BAG3: variants seen among roughly 807,000 people sequenced by gnomAD.
BAG3 encodes the protein BAG cochaperone 3, also known as BAG family molecular chaperone regulator 3.
A neutral mutation model predicts 40.5 loss-of-function variants in BAG3; 14 were observed. The observed-to-expected ratio is 0.35, with a 90% CI of 0.23 to 0.54. The LOEUF (loss-of-function observed/expected upper bound fraction) is 0.54, where lower values mean the gene tolerates loss of function less well. BAG3 is among the 20% of genes least tolerant of loss of function. The pLI is 0.91. For synonymous variants in BAG3, 302 were observed against 307.8 expected, an observed-to-expected ratio of 0.98 and a Z score of 0.20; for missense variants, 788 against 758.6, an observed-to-expected ratio of 1.04 and a Z score of -0.46.
Position 119,672,554 on chromosome 10 carries a change from T to A in BAG3, c.807T>A (p.Ser269=). 1 of 1,613,790 alleles carries A rather than the reference T, an allele frequency of 6.2e-7. No individual in the cohort carries two copies. Among genetic ancestry groups the A allele is most frequent in the South Asian group, 1.1e-5 (1 of 91,072 alleles). The change falls in exon 3 of 4, where the codon TCT becomes TCA. Residue 269 remains serine, a synonymous_variant. Coordinates refer to ENST00000369085, the MANE Select transcript of BAG3 (RefSeq NM_004281.4). The surrounding 1 kb of genome is among the most constrained non-coding windows in gnomAD (Gnocchi z 4.8). ...GGGCGGCATCCCCGTTCAGGTCATC[T>A]GTCCAGGGTGCATCGAGCCGGGAGG... ...PLRAASPFRS[S]VQGASSREGS... is the part of the protein sequence containing the mutation.
At chr10:119,665,269 T>C (rs1847049213) in intron 1 of BAG3, among the ~76,000 whole-genome samples, 1 of 151,380 alleles carries the variant, frequency 6.6e-6, no homozygotes, top group South Asian at 2.1e-4. Flanking sequence ...CCCGAGTAGC[T>C]GGGACTACAG....
chr10:119,670,275 C>T, intron 2 of BAG3, 98 bp downstream of exon 2: 1 of 1,334,460 alleles, frequency 7.5e-7, no homozygotes, highest in Non-Finnish European at 1.0e-6. Flanking sequence ...GGCCAGGCAC[C>T]TGTTCACATG....
intron 1 of BAG3, among the ~76,000 whole-genome samples, chr10:119,652,301 C>G (rs982629869): frequency 3.9e-5 from 6 of 152,144 alleles, no homozygotes; most frequent in Non-Finnish European, 5.9e-5. Flanking sequence ...ACCGCGGACT[C>G]GAGGGGGACA....
Position 119,677,553 on chromosome 10 carries a change from C to T in BAG3, c.*271C>T. The T allele has an allele frequency of 1.1e-5, 6 of 532,362 alleles. No homozygotes were observed. Among genetic ancestry groups the T allele is most frequent in the Middle Eastern group, 5.3e-4 (1 of 1,894 alleles). The allele number at this position is 532,362 out of a possible 1,614,324, so 33.0% of individuals were successfully genotyped here. On this transcript the variant is annotated 3_prime_UTR_variant, in exon 4 of 4. Transcript: ENST00000369085. The stretch of plus-strand genomic sequence containing the variant: ...CTGCAGCCCTGTCTACTTGGGCACC[C>T]CCACCACCTGTTAGCTGTGGTTGTG...
intron 1 of BAG3, among the ~76,000 whole-genome samples, chr10:119,662,300 C>T (rs988438533): frequency 6.7e-6 from 1 of 148,422 alleles, no homozygotes; most frequent in East Asian, 2.0e-4. Context: ...AACTCCTGAC[C>T]TCAAGTGATC....
chr10:119,656,384 T>C (rs1846911418), intron 1 of BAG3, among the ~76,000 whole-genome samples: 1 of 150,324 alleles, frequency 6.7e-6, no homozygotes, highest in Admixed American at 6.6e-5. Context: ...CCTTCTTTTT[T>C]TTTTTTTTTT....
chr10:119,662,966 G>T (rs1847013490), intron 1 of BAG3, among the ~76,000 whole-genome samples: 1 of 152,184 alleles, frequency 6.6e-6, no homozygotes, highest in Admixed American at 6.5e-5. Context: ...AATGAGCCGA[G>T]ATCGCGCCAC....
chr10:119,676,071 G>A (rs1847230786), intron 3 of BAG3, among the ~76,000 whole-genome samples: 1 of 150,084 alleles, frequency 6.7e-6, no homozygotes, highest in Non-Finnish European at 1.5e-5. Context: ...GACTACGAGT[G>A]CAAGCTCCCA....
At chr10:119,664,626 C>T (rs557403666) in intron 1 of BAG3, among the ~76,000 whole-genome samples, 61 of 152,176 alleles carry the variant, frequency 4.0e-4, no homozygotes, top group Middle Eastern at 6.8e-3. Context: ...AGCTGTCCCC[C>T]CAACTTTGAG....
At chr10:119,654,072 A>T (rs1846879226) in intron 1 of BAG3, among the ~76,000 whole-genome samples, 2 of 152,236 alleles carry the variant, frequency 1.3e-5, no homozygotes, top group Admixed American at 1.3e-4. Flanking sequence ...CATTCAGCCC[A>T]TGAGCTGTTT....
At chr10:119,657,390 G>T in intron 1 of BAG3, 2 of 363,392 alleles carry the variant, frequency 5.5e-6, no homozygotes, top group South Asian at 2.1e-5. Flanking sequence ...TTTGTCTTGG[G>T]GTCACACCCC....
chr10:119,651,710 T>A lies in BAG3; in HGVS notation c.35T>A (p.Val12Glu). 6.3e-7 allele frequency: 1 copy of A among 1,594,592 alleles called. No homozygotes were observed. Among genetic ancestry groups the A allele is most frequent in the Non-Finnish European group, 8.5e-7 (1 of 1,171,416 alleles). ...GCCACCCACTCGCCCATGATGCAGG[T>A]GGCGTCCGGCAACGGTGACCGCGAC... Reference protein sequence around the residue: ...SAATHSPMMQVASGNGDRDPL... With the variant: ...SAATHSPMMQEASGNGDRDPL... Residue 12 changes from valine to glutamate, a missense_variant, in exon 1 of 4, where the codon GTG (valine) becomes GAG (glutamate). Transcript: ENST00000369085.
chr10:119,655,296 G>T (rs1337845256), intron 1 of BAG3, among the ~76,000 whole-genome samples: 1 of 152,150 alleles, frequency 6.6e-6, no homozygotes, highest in Non-Finnish European at 1.5e-5. Context: ...TGCGAGAGTG[G>T]GGAGGTGGTC....
chr10:119,675,777 C>CCCT (rs1847211945), intron 3 of BAG3, among the ~76,000 whole-genome samples: 1 of 89,940 alleles, frequency 1.1e-5, no homozygotes, highest in African/African-American at 3.9e-5. Context: ...CCCTCCTTCC[C>CCCT]TCCCCCTCCC....
chr10:119,657,414 G>C (rs1351643229), intron 1 of BAG3: 3 of 400,184 alleles, frequency 7.5e-6, no homozygotes, highest in South Asian at 1.8e-5. Flanking sequence ...TAGGAGTTCT[G>C]GGGCAGAGTC....
rs886046754 is a variant in BAG3, at chr10:119,672,311, G to T, written c.564G>T (p.Leu188=). 1.9e-6 allele frequency: 3 copies of T among 1,613,930 alleles called. No individual in the cohort carries two copies. Among genetic ancestry groups the T allele is most frequent in the Non-Finnish European group, 2.5e-6 (3 of 1,180,034 alleles). Residue 188 remains leucine (L), a synonymous_variant, in exon 3 of 4, where the codon CTG becomes CTT. Coordinates refer to ENST00000369085, the MANE Select transcript of BAG3 (RefSeq NM_004281.4). The surrounding 1 kb of genome is among the most constrained non-coding windows in gnomAD (Gnocchi z 4.8). The part of the protein sequence containing the change: ...DCSSSSSSAS[L]PSSGRSSLGS... ...CATCCTCATCCTCCTCGGCCAGCCT[G>T]CCTTCCTCCGGCAGGAGCAGCCTGG... is the stretch of plus-strand genomic sequence containing the variant.
rs534691185 is a variant in BAG3 at position 119,669,741 on chromosome 10, C to T, written c.181-110C>T. 4.2e-5 allele frequency: 48 copies of T among 1,153,970 alleles called. No individual in the cohort carries two copies. The South Asian group carries it at 5.7e-4, about 14-fold the overall frequency. 71.5% of individuals were successfully genotyped at this position (1,153,970 alleles called of 1,614,324 possible). On this transcript the variant is annotated intron_variant, in intron 1 of 3. Transcript: ENST00000369085. ...CTGGGAGCTGGCTGACGCTTTGAGG[C>T]CCAAGTCACTCGGGAAGATCACAAT... is the stretch of plus-strand genomic sequence containing the variant.
chr10:119,676,628 C>G lies in BAG3; in HGVS notation c.1074C>G (p.Pro358=). The part of the protein sequence containing the change: ...SKPVSQKPPP[P]SEKVEVKVPP... ...CTGTTTCCCAGAAGCCCCCACCTCC[C>G]TCTGAGAAGGTAGAGGTGAAAGTTC... The change falls in exon 4 of 4, where the codon CCC becomes CCG. Residue 358 remains proline (P), a synonymous_variant. Coordinates refer to ENST00000369085, the MANE Select transcript of BAG3 (RefSeq NM_004281.4). 1 of 1,614,158 alleles carries G rather than the reference C, an allele frequency of 6.2e-7. No homozygotes were observed. Among genetic ancestry groups the G allele is most frequent in the Non-Finnish European group, 8.5e-7 (1 of 1,180,036 alleles).
At chr10:119,662,006 C>T (rs1478332454) in intron 1 of BAG3, among the ~76,000 whole-genome samples, 6 of 152,082 alleles carry the variant, frequency 3.9e-5, no homozygotes, top group African/African-American at 4.8e-5. Context: ...CAGAGAGCTT[C>T]GGTAGGGTGC....
Sources: allele counts gnomAD v4.1 joint callset (sites outside exome capture counted in the v4.1 genomes callset), GRCh38; gene constraint gnomAD v4.1.1; non-coding constraint Gnocchi (gnomAD v3.1); transcripts MANE v1.5; gene names NCBI Gene and HGNC (gene_info 2026-07-23, HGNC 2026-07-21).